The following IL34 variants were observed in gnomAD, a reference collection of about 807,000 sequenced individuals.
The protein encoded by IL34 is interleukin 34.
In IL34, 17 loss-of-function variants were observed where a neutral mutation model predicts 25.3. That is an observed-to-expected ratio of 0.67 (90% confidence interval 0.46 to 1.01). The LOEUF (loss-of-function observed/expected upper bound fraction) is 1.01. Among genes scored for constraint, IL34 ranks in the 50% least tolerant of loss-of-function variants. The pLI is 0.00. For synonymous variants in IL34, 174 were observed against 140.9 expected (o/e 1.23, Z -1.66); for missense variants, 368 against 312.9 (o/e 1.18, Z -1.33).
chr16:70,599,726 G>A (rs1419968649), intron 1 of IL34, among the ~76,000 whole-genome samples: 1 of 149,810 alleles, frequency 6.7e-6, no homozygotes, highest in Non-Finnish European at 1.5e-5. Context: ...CCAGGATAGA[G>A]TATAGTGGTG....
rs143982737 is a variant in IL34 at position 70,655,342 on chromosome 16, C to A, written c.162+671C>A. Among the ~76,000 whole-genome samples the A allele has an allele frequency of 4.0e-5, 6 of 151,674 alleles. No individual in the cohort carries two copies. The South Asian group carries it at 6.3e-4, about 16-fold the overall frequency. On this transcript the variant is annotated intron_variant, in intron 2 of 5. Transcript: ENST00000288098. ...CTGGGATTACAGGCGTGAGCCACTG[C>A]GCCCGGCCCTTTTTTTTTCTTTTTA...
intron 1 of IL34, among the ~76,000 whole-genome samples, chr16:70,590,610 AC>A: frequency 6.6e-6 from 1 of 152,270 alleles, no homozygotes; most frequent in Admixed American, 6.5e-5. Context: ...TGCTGTTTTC[AC>A]TGGGCCAGGT....
chr16:70,639,353 C>T (rs1042489535), intron 1 of IL34, among the ~76,000 whole-genome samples: 6 of 152,100 alleles, frequency 3.9e-5, no homozygotes, highest in African/African-American at 1.4e-4. Flanking sequence ...AGGCAGAGGC[C>T]AGAAATAGGA....
At chr16:70,615,455 C>T (rs1597748003) in intron 1 of IL34, among the ~76,000 whole-genome samples, 2 of 151,828 alleles carry the variant, frequency 1.3e-5, no homozygotes, top group East Asian at 1.9e-4. Flanking sequence ...TGCAGTAAGC[C>T]GAGATTGCGC....
intron 1 of IL34, among the ~76,000 whole-genome samples, chr16:70,618,563 C>T (rs535498339): frequency 1.5e-4 from 23 of 152,254 alleles, no homozygotes; most frequent in African/African-American, 5.1e-4. Flanking sequence ...CAGCGGCAGC[C>T]GCTGCACGCA....
chr16:70,638,706 G>A (rs1417256577), intron 1 of IL34, among the ~76,000 whole-genome samples: 1 of 152,022 alleles, frequency 6.6e-6, no homozygotes, highest in East Asian at 1.9e-4. Flanking sequence ...CAAGCCTCTT[G>A]AGTACCTGGG....
At chr16:70,612,744 CAGCTTCCCCA>C (rs1272610149) in intron 1 of IL34, among the ~76,000 whole-genome samples, 1 of 152,136 alleles carries the variant, frequency 6.6e-6, no homozygotes, top group African/African-American at 2.4e-5. Context: ...TCCCCAAGAT[CAGCTTCCCCA>C]CCCCCATTTC....
intron 1 of IL34, among the ~76,000 whole-genome samples, chr16:70,606,499 C>T (rs931479938): frequency 6.6e-6 from 1 of 152,172 alleles, no homozygotes; most frequent in African/African-American, 2.4e-5. Flanking sequence ...GCAGTTCCTC[C>T]CTGCCGACTC....
intron 1 of IL34, among the ~76,000 whole-genome samples, chr16:70,652,351 G>C (rs1167024471): frequency 2.6e-5 from 4 of 152,078 alleles, no homozygotes; most frequent in African/African-American, 9.7e-5. Flanking sequence ...ACCAGTTACT[G>C]GGAGGCTGAG....
In IL34 at chr16:70,640,626, TAA is replaced by T. The variant is rs149787357; in HGVS notation, c.-400-5907_-400-5906del. Among the ~76,000 whole-genome samples the T allele has an allele frequency of 1.4e-4, 18 of 131,788 alleles. No individual in the cohort carries two copies. The East Asian group carries it at 1.8e-3, about 13-fold the overall frequency. The allele number at this position is 131,788 out of a possible 152,430, so 86.5% of individuals were successfully genotyped here. The stretch of plus-strand genomic sequence containing the variant: ...GCGACAGAGCAAGACTCCGTCTCAA[TAA>T]AAAAAAAAAAAAAAGTTAGTTTTTA... On this transcript the variant is annotated intron_variant, in intron 1 of 6. Coordinates refer to the IL34 transcript ENST00000429149.
chr16:70,635,274 T>C (rs1317823646), intron 1 of IL34, among the ~76,000 whole-genome samples: 1 of 152,182 alleles, frequency 6.6e-6, no homozygotes, highest in Admixed American at 6.5e-5. Context: ...GCGACAGATA[T>C]TTTCTTTGCT....
chr16:70,627,503 A>T (rs1458120593), intron 1 of IL34, among the ~76,000 whole-genome samples: 1 of 132,198 alleles, frequency 7.6e-6, no homozygotes, highest in African/African-American at 2.8e-5. Flanking sequence ...TTTCTTTGAG[A>T]CAGGCTTTCT....
chr16:70,600,855 G>GAGGGGATGCTAGGAGAAGT (rs1312888498), intron 1 of IL34, among the ~76,000 whole-genome samples: 2 of 138,082 alleles, frequency 1.4e-5, no homozygotes, highest in Non-Finnish European at 3.0e-5. Flanking sequence ...CGGGAGAAAT[G>GAGGGGATGCTAGGAGAAGT]AGGGGATGCT....
chr16:70,646,612 TTCCGAGG>T lies in IL34; in HGVS notation c.-335_-329del. 2.8e-6 allele frequency: 1 copy of T among 352,466 alleles called. No homozygotes were observed. Among genetic ancestry groups the T allele is most frequent in the Non-Finnish European group, 5.1e-6 (1 of 196,672 alleles). The allele number at this position is 352,466 out of a possible 1,614,324, so 21.8% of individuals were successfully genotyped here. ...AGAGAAAGCGTCACCCAGCCCCAGA[TTCCGAGG>T]GGCCTGCCAGGGACTCTCTCCTCCT... On this transcript the variant is annotated 5_prime_UTR_variant, in exon 1 of 6. In the 5' UTR this introduces an upstream ATG that the reference lacks. Coordinates refer to ENST00000288098, the MANE Select transcript of IL34 (RefSeq NM_001393494.1).
intron 1 of IL34, among the ~76,000 whole-genome samples, chr16:70,591,337 G>T (rs941544461): frequency 1.3e-5 from 2 of 152,106 alleles, no homozygotes; most frequent in African/African-American, 4.8e-5. Flanking sequence ...TGTCCCCAGA[G>T]CTGAGGCAGG....
intron 1 of IL34, among the ~76,000 whole-genome samples, chr16:70,612,780 G>C (rs888348478): frequency 6.6e-6 from 1 of 152,098 alleles, no homozygotes; most frequent in Non-Finnish European, 1.5e-5. Flanking sequence ...CTCCCAATTA[G>C]AACACATGTT....
At position 70,615,907 on chromosome 16, in the gene IL34, G is replaced by A. The variant is rs117382193; in HGVS notation, c.-400-30641G>A. Among the ~76,000 whole-genome samples the A allele has an allele frequency of 5.1e-3, 782 of 152,030 alleles. 7 individuals are homozygous for A. Among genetic ancestry groups the A allele is most frequent in the African/African-American group, 0.018 (730 of 41,482 alleles). On this transcript the variant is annotated intron_variant, in intron 1 of 6. Transcript: ENST00000429149. ...AGTGGAGGTTGTGGCAAGCTGAGAT[G>A]GCACCACTGCACTCCAGCGTGGGTG...
chr16:70,595,953 G>C (rs891925751), intron 1 of IL34, among the ~76,000 whole-genome samples: 10 of 151,718 alleles, frequency 6.6e-5, no homozygotes, highest in Admixed American at 2.0e-4. Flanking sequence ...AGAGGTTGTA[G>C]TGAGCTGAGA....
At chr16:70,646,061 A>T (rs987148417), upstream of IL34, among the ~76,000 whole-genome samples, 1 of 150,418 alleles carries the variant, frequency 6.6e-6, no homozygotes, top group Non-Finnish European at 1.5e-5. Flanking sequence ...TCTCAAAAAA[A>T]TTTTTTTTTT....
Sources: gnomAD v4.1 joint callset for allele counts (sites outside exome capture counted in the v4.1 genomes callset) on GRCh38, gnomAD v4.1.1 for gene constraint, MANE v1.5 for transcripts, NCBI Gene and HGNC (gene_info 2026-07-23, HGNC 2026-07-21) for gene names.